The following BDH1 variants were observed in gnomAD, a reference collection of about 807,000 sequenced individuals.
BDH1 encodes the protein 3-hydroxybutyrate dehydrogenase 1.
A neutral mutation model predicts 33.1 loss-of-function variants in BDH1; 30 were observed. The observed-to-expected ratio is 0.91, with a 90% CI of 0.68 to 1.23. The LOEUF is 1.23. Ranked by LOEUF, BDH1 falls within the 50% of genes most tolerant of loss-of-function variation. The pLI, the probability that BDH1 is intolerant of heterozygous loss-of-function variation, is 0.00. For missense variants in BDH1, 443 were observed against 464.4 expected, an observed-to-expected ratio of 0.95 and a Z score of 0.42; for synonymous variants, 190 against 183.6, an observed-to-expected ratio of 1.03 and a Z score of -0.28.
chr3:197,534,858 T>C (rs1207190635), intron 3 of BDH1, among the ~76,000 whole-genome samples: 1 of 152,226 alleles, frequency 6.6e-6, no homozygotes, highest in Non-Finnish European at 1.5e-5. Context: ...CATGTTTATT[T>C]GTCACCTGTC....
intron 1 of BDH1, among the ~76,000 whole-genome samples, chr3:197,565,944 T>A (rs2686091): frequency 0.4 from 60,816 of 152,088 alleles, 12,877 homozygotes; most frequent in African/African-American, 0.51. Context: ...CGTGAGCTGA[T>A]CTAATAAAAG....
At chr3:197,542,711 G>A (rs1166019838) in intron 3 of BDH1, among the ~76,000 whole-genome samples, 2 of 151,724 alleles carry the variant, frequency 1.3e-5, no homozygotes, top group Non-Finnish European at 2.9e-5. Flanking sequence ...TATTAGAGAC[G>A]GGGCTTCTCC....
intron 5 of BDH1, chr3:197,529,691 G>T (rs1458739122): frequency 6.6e-6 from 1 of 152,110 alleles, no homozygotes; most frequent in African/African-American, 2.4e-5. Flanking sequence ...AGATTAAAAG[G>T]ACAAACAAAA....
At chr3:197,532,212 T>A (rs1421479554) in intron 5 of BDH1, among the ~76,000 whole-genome samples, 200 bp downstream of exon 5, 5 of 152,052 alleles carry the variant, frequency 3.3e-5, no homozygotes, top group Non-Finnish European at 1.5e-5. Context: ...GATGGATAGA[T>A]GAGAGGATGG....
chr3:197,543,150 T>TGTTA, intron 3 of BDH1: 1 of 985,410 alleles, frequency 1.0e-6, no homozygotes, highest in East Asian at 1.1e-4. Flanking sequence ...AGAGGAGCCA[T>TGTTA]GAGTCCATTT....
At chr3:197,566,414 A>G (rs1188785101) in intron 1 of BDH1, among the ~76,000 whole-genome samples, 1 of 152,216 alleles carries the variant, frequency 6.6e-6, no homozygotes, top group Admixed American at 6.5e-5. Context: ...CAGGAGCCCC[A>G]AGTTTATCTT....
rs1172413391 is a variant in BDH1 at position 197,522,255 on chromosome 3, C to T, written c.409+385G>A. ...GCTCTGCCTCTCTCAATGCACGGCT[C>T]CCTGATTTTGAACTCAGTCCTCCGG... On this transcript the variant is annotated intron_variant, in intron 6 of 7. Coordinates refer to ENST00000392379, the MANE Select transcript of BDH1 (RefSeq NM_203314.3). The surrounding 1 kb of genome is among the most constrained non-coding windows in gnomAD (Gnocchi z 4.8). 6.6e-6 allele frequency among the ~76,000 whole-genome samples: 1 copy of T among 152,190 alleles called. No homozygotes were observed. Among genetic ancestry groups the T allele is most frequent in the African/African-American group, 2.4e-5 (1 of 41,444 alleles).
intron 2 of BDH1, among the ~76,000 whole-genome samples, chr3:197,552,132 G>C (rs1716628563): frequency 6.6e-6 from 1 of 152,162 alleles, no homozygotes; most frequent in Admixed American, 6.5e-5. Context: ...GTGCAAAACT[G>C]AGCCTGTGCT....
chr3:197,522,536 A>T lies in BDH1; in HGVS notation c.409+104T>A, dbSNP rs1451726156. 1 of 1,441,686 alleles carries T rather than the reference A, an allele frequency of 6.9e-7. No homozygotes were observed. 89.3% of individuals were successfully genotyped at this position (1,441,686 alleles called of 1,614,324 possible). A position where few individuals can be genotyped will look rare whatever the true frequency, so the allele number is the denominator to read the frequency against. ...GGAGGAAGAGCCTAAACAATAAGGAAGGGAGTGTGGTGGCAGGATGCCAGC... is the reference window on the plus strand; with the variant it reads ...GGAGGAAGAGCCTAAACAATAAGGATGGGAGTGTGGTGGCAGGATGCCAGC... On this transcript the variant is annotated intron_variant, in intron 6 of 7. Coordinates refer to ENST00000392379, the MANE Select transcript of BDH1 (RefSeq NM_203314.3). The surrounding 1 kb of genome is among the most constrained non-coding windows in gnomAD (Gnocchi z 4.8).
chr3:197,535,828 T>C (rs1291517516), intron 3 of BDH1, among the ~76,000 whole-genome samples: 2 of 152,110 alleles, frequency 1.3e-5, no homozygotes, highest in Non-Finnish European at 2.9e-5. Context: ...GCAGATTGCT[T>C]GAGCTCAGGA....
intron 3 of BDH1, chr3:197,538,162 A>G: frequency 2.6e-6 from 1 of 382,028 alleles, no homozygotes; most frequent in Non-Finnish European, 5.2e-6. Context: ...CAGAAAGAAT[A>G]GAGAAAAGTA....
rs1712447740 is a variant in BDH1 at position 197,514,332 on chromosome 3, G to A, written c.494C>T (p.Ala165Val). The A allele has an allele frequency of 1.2e-6, 2 of 1,613,940 alleles. No individual in the cohort carries two copies. Among genetic ancestry groups the A allele is most frequent in the East Asian group, 4.5e-5 (2 of 44,864 alleles). Reference sequence around the variant, plus strand: ...CACTGTGCCCCAAAGGTTCACTTCTGCCACCTGCTTGTAGGTCTCCAGGCT... The same window carrying A: ...CACTGTGCCCCAAAGGTTCACTTCTACCACCTGCTTGTAGGTCTCCAGGCT... ...FTSLETYKQV[A>V]EVNLWGTVRM... The change falls in exon 7 of 8, where the codon GCA becomes GTA. Residue 165 changes from alanine to valine, a missense_variant. Transcript: ENST00000392379. This position sits in a 1 kb window ranked among gnomAD's most constrained non-coding sequence, Gnocchi z 4.2.
At chr3:197,524,033 T>A (rs1170729570) in intron 5 of BDH1, among the ~76,000 whole-genome samples, 1 of 152,226 alleles carries the variant, frequency 6.6e-6, no homozygotes, top group Non-Finnish European at 1.5e-5. Flanking sequence ...TAAGTGCTGA[T>A]GTGCTTTGTC....
At chr3:197,546,511 A>T in intron 2 of BDH1, 25 bp from the exon 3 acceptor site, 1 of 1,502,342 alleles carries the variant, frequency 6.7e-7, no homozygotes, top group Admixed American at 1.7e-5. Context: ...CACCCTCAGC[A>T]TTACTTTGTT....
intron 6 of BDH1, among the ~76,000 whole-genome samples, chr3:197,518,639 C>T (rs1205213728): frequency 5.0e-4 from 6 of 11,974 alleles, no homozygotes; most frequent in East Asian, 8.1e-3. Flanking sequence ...CAGGCCGACC[C>T]CCCCCATCAG....
chr3:197,522,867 C>T lies in BDH1; in HGVS notation c.268-86G>A. 1 of 1,522,882 alleles carries T rather than the reference C, an allele frequency of 6.6e-7. No individual in the cohort carries two copies. Among genetic ancestry groups the T allele is most frequent in the Non-Finnish European group, 8.9e-7 (1 of 1,126,092 alleles). 94.3% of individuals were successfully genotyped at this position (1,522,882 alleles called of 1,614,324 possible). ...GGACTCCTGTCAAGGCAGGAGCTGG[C>T]CTCAAGTCCCAGCCAAAGCCTCAGG... On this transcript the variant is annotated intron_variant, in intron 5 of 7. Transcript: ENST00000392379. The surrounding 1 kb of genome is among the most constrained non-coding windows in gnomAD (Gnocchi z 4.8).
rs1713423506 is a variant in BDH1 at position 197,520,475 on chromosome 3, C to T, written c.409+2165G>A. On this transcript the variant is annotated intron_variant, in intron 6 of 7. Transcript: ENST00000392379. The surrounding 1 kb of genome is among the most constrained non-coding windows in gnomAD (Gnocchi z 6.0). ...TCTGTGTGGGCCGGGGCCCACCCTG[C>T]CTTGTAGGTTAGGCTGCCTGGCCAG... Among the ~76,000 whole-genome samples, 2 of 152,118 alleles carry T rather than the reference C, an allele frequency of 1.3e-5. No homozygotes were observed.
rs1714889667 is a variant in BDH1, at chr3:197,533,526, G to A, written c.119C>T (p.Pro40Leu). The A allele has an allele frequency of 5.6e-6, 9 of 1,614,122 alleles. No homozygotes were observed. Among genetic ancestry groups the A allele is most frequent in the Admixed American group, 3.3e-5 (2 of 60,010 alleles). Residue 40 changes from proline to leucine, a missense_variant, in exon 4 of 8, where the codon CCG (proline) becomes CTG (leucine). Pro to Leu is a moderately conservative substitution (Grantham distance 98). Coordinates refer to ENST00000392379, the MANE Select transcript of BDH1 (RefSeq NM_203314.3). Reference sequence around the variant, plus strand: ...ACTGGCATAAGTCCGACGGCCAATCGGGATAAAGGAAGTAGAACCAAGCAA... The same window carrying A: ...ACTGGCATAAGTCCGACGGCCAATCAGGATAAAGGAAGTAGAACCAAGCAA... ...PLLLGSTSFI[P>L]IGRRTYASAA...
intron 1 of BDH1, among the ~76,000 whole-genome samples, chr3:197,566,100 T>C (rs895672956): frequency 2.0e-5 from 3 of 152,252 alleles, no homozygotes; most frequent in Admixed American, 6.5e-5. Context: ...TAGACCATAT[T>C]TGTTTCTGTC....
Sources: allele counts gnomAD v4.1 joint callset (sites outside exome capture counted in the v4.1 genomes callset), GRCh38; gene constraint gnomAD v4.1.1; non-coding constraint Gnocchi (gnomAD v3.1); transcripts MANE v1.5; gene names NCBI Gene and HGNC (gene_info 2026-07-23, HGNC 2026-07-21).